The following ZFHX3 variants were observed in gnomAD, a reference collection of about 807,000 sequenced individuals.
The protein encoded by ZFHX3 is zinc finger homeobox protein 3.
In ZFHX3, 42 loss-of-function variants were observed where a neutral mutation model predicts 279.1. That is an observed-to-expected ratio of 0.15 (90% CI 0.12 to 0.19). The LOEUF is 0.19. ZFHX3 is among the 10% of genes least tolerant of loss of function. The pLI, the probability that ZFHX3 is intolerant of heterozygous loss-of-function variation, is 1.00. For synonymous variants in ZFHX3, 2,293 were observed against 1,957.8 expected, an observed-to-expected ratio of 1.17 and a Z score of -4.52; for missense variants, 4,981 against 4,754.0, an observed-to-expected ratio of 1.05 and a Z score of -1.40.
chr16:73,590,896 T>A (rs2051987649), intron 2 of ZFHX3, among the ~76,000 whole-genome samples: 1 of 152,032 alleles, frequency 6.6e-6, no homozygotes, highest in Non-Finnish European at 1.5e-5. Flanking sequence ...TCATCCCCTA[T>A]AAAGTAATTT....
At chr16:72,839,352 G>A (rs1054191702) in intron 4 of ZFHX3, among the ~76,000 whole-genome samples, 5 of 152,044 alleles carry the variant, frequency 3.3e-5, no homozygotes, top group Non-Finnish European at 7.4e-5. Flanking sequence ...CATTTAAAAC[G>A]TGATCTAACA....
chr16:73,232,771 C>A (rs2086279552), intron 5 of ZFHX3: 1 of 152,166 alleles, frequency 6.6e-6, no homozygotes, highest in Admixed American at 6.6e-5. Flanking sequence ...AACTGCCTTG[C>A]GGAGGAGGCG....
At chr16:73,351,258 T>G (rs2016236043) in intron 3 of ZFHX3, among the ~76,000 whole-genome samples, 1 of 152,206 alleles carries the variant, frequency 6.6e-6, no homozygotes, top group South Asian at 2.1e-4. Context: ...TTCGTTCAAG[T>G]GTCAACCCCA....
chr16:72,788,616 G>GGGTGGCGGCTGGGCT lies in ZFHX3; in HGVS notation c.9645_9659dup (p.Ala3216_Pro3220dup). 1 of 1,613,494 alleles carries GGGTGGCGGCTGGGCT rather than the reference G, an allele frequency of 6.2e-7. No individual in the cohort carries two copies. The highest frequency in any genetic ancestry group is 1.1e-5 in the South Asian group (1 of 91,058). On this transcript the variant is annotated inframe_insertion, in exon 10 of 10. Transcript: ENST00000268489. The stretch of plus-strand genomic sequence containing the variant: ...GCTGTTGCAGTGGGAGCTGTGGTGT[G>GGGTGGCGGCTGGGCT]GGTGGCGGCTGGGCTGCTGGCGGCG...
At chr16:73,524,466 C>T (rs544315015) in intron 2 of ZFHX3, among the ~76,000 whole-genome samples, 2 of 152,262 alleles carry the variant, frequency 1.3e-5, no homozygotes, top group Admixed American at 1.3e-4. Context: ...GGCAGAAGGG[C>T]AGAAATCATC....
At chr16:73,362,678 C>G (rs1230938533) in intron 3 of ZFHX3, among the ~76,000 whole-genome samples, 1 of 152,226 alleles carries the variant, frequency 6.6e-6, no homozygotes, top group Non-Finnish European at 1.5e-5. Flanking sequence ...AAACAGGGCA[C>G]CTGCCCACCA....
At chr16:72,798,994 A>C (rs2036012189) in intron 8 of ZFHX3, among the ~76,000 whole-genome samples, 1 of 152,266 alleles carries the variant, frequency 6.6e-6, no homozygotes, top group Non-Finnish European at 1.5e-5. Flanking sequence ...TCACAGATCT[A>C]ACAGTCTTTT....
At chr16:73,105,341 G>GTA (rs59245170) in intron 7 of ZFHX3, among the ~76,000 whole-genome samples, 3,912 of 109,378 alleles carry the variant, frequency 0.036, 272 homozygotes, top group African/African-American at 0.11. Flanking sequence ...ACACACGTGT[G>GTA]TATATATATA....
rs149075674 is a variant in ZFHX3 at position 73,453,778 on chromosome 16, A to G, written c.-1291+2225T>C. On this transcript the variant is annotated intron_variant, in intron 3 of 17. Transcript: ENST00000641206. ...TTCACAATCATGGTGGAAGGTGAAAAGCATGTCTTACATGGCGGCAGATAA... is the reference window on the plus strand; with the variant it reads ...TTCACAATCATGGTGGAAGGTGAAAGGCATGTCTTACATGGCGGCAGATAA... Among the ~76,000 whole-genome samples the G allele has an allele frequency of 3.9e-5, 6 of 152,332 alleles. No homozygotes were observed. In the East Asian group the frequency reaches 1.2e-3, roughly 29 times the overall value.
intron 2 of ZFHX3, among the ~76,000 whole-genome samples, chr16:73,548,298 C>T (rs144987406): frequency 2.6e-5 from 4 of 152,308 alleles, no homozygotes; most frequent in East Asian, 3.9e-4. Context: ...CCTTTGAAGA[C>T]GAGCATTGGA....
chr16:73,292,664 C>T (rs2014802664), intron 4 of ZFHX3, among the ~76,000 whole-genome samples: 1 of 151,724 alleles, frequency 6.6e-6, no homozygotes, highest in Non-Finnish European at 1.5e-5. Context: ...GCGAATGCTT[C>T]CTACTGTGTG....
intron 1 of ZFHX3, among the ~76,000 whole-genome samples, chr16:72,985,808 C>T (rs1418454410): frequency 1.3e-5 from 2 of 152,122 alleles, no homozygotes; most frequent in Non-Finnish European, 2.9e-5. Flanking sequence ...AGGGAAGGCA[C>T]AGGCTCTGCC....
intron 1 of ZFHX3, among the ~76,000 whole-genome samples, chr16:73,725,227 C>G (rs1004626787): frequency 2.6e-5 from 4 of 152,152 alleles, no homozygotes; most frequent in South Asian, 2.1e-4. Context: ...TTTAAAAAGG[C>G]TTTTATATAT....
chr16:72,971,747 G>A (rs1305045892), intron 1 of ZFHX3, among the ~76,000 whole-genome samples: 1 of 151,708 alleles, frequency 6.6e-6, no homozygotes, highest in African/African-American at 2.4e-5. Context: ...TATTTACTTT[G>A]TTATTTTTAA....
In ZFHX3 at chr16:72,787,444, T is replaced by TG. The variant is rs771413197; in HGVS notation, c.10831dup (p.His3611ProfsTer55). 1 of 1,059,596 alleles carries TG rather than the reference T, an allele frequency of 9.4e-7. No individual in the cohort carries two copies. Among genetic ancestry groups the TG allele is most frequent in the Non-Finnish European group, 1.2e-6 (1 of 863,474 alleles). 65.6% of individuals were successfully genotyped at this position (1,059,596 alleles called of 1,614,324 possible). Reference sequence around the variant, plus strand: ...TTGCGGCCAAGACTTCCTGGAGGCGTGGGGGGAAGCGGAGGAGGGGGCGGC... The same window carrying TG: ...TTGCGGCCAAGACTTCCTGGAGGCGTGGGGGGGAAGCGGAGGAGGGGGCGGC... On this transcript the variant is annotated frameshift_variant, in exon 10 of 10. Transcript: ENST00000268489. LOFTEE classifies it high-confidence loss of function.
chr16:73,102,888 G>T (rs1377405416), intron 7 of ZFHX3, among the ~76,000 whole-genome samples: 1 of 152,102 alleles, frequency 6.6e-6, no homozygotes, highest in Non-Finnish European at 1.5e-5. Flanking sequence ...TCAGTGAATG[G>T]TAGCCATTGG....
chr16:73,268,459 C>T (rs1043324955), intron 4 of ZFHX3, among the ~76,000 whole-genome samples: 1 of 152,188 alleles, frequency 6.6e-6, no homozygotes, highest in Admixed American at 6.5e-5. Flanking sequence ...GACATTTAGA[C>T]AAACTTGTTC....
intron 2 of ZFHX3, among the ~76,000 whole-genome samples, chr16:73,551,518 C>T (rs1173592080): frequency 6.6e-6 from 1 of 152,170 alleles, no homozygotes; most frequent in African/African-American, 2.4e-5. Context: ...GAGGTGTAGT[C>T]ACTCTCAGGT....
intron 1 of ZFHX3, chr16:73,809,730 T>C (rs1960377824): frequency 6.6e-6 from 1 of 152,172 alleles, no homozygotes; most frequent in Admixed American, 6.5e-5. Context: ...AGGGGATTTT[T>C]AAGGCAGTTT....
Sources: allele counts gnomAD v4.1 joint callset (sites outside exome capture counted in the v4.1 genomes callset), GRCh38; gene constraint gnomAD v4.1.1; transcripts MANE v1.5; gene names NCBI Gene and HGNC (gene_info 2026-07-23, HGNC 2026-07-21).